Variants in THSD4 observed in about 807,000 individuals in gnomAD.
THSD4 encodes the protein thrombospondin type 1 domain containing 4, also known as thrombospondin type-1 domain-containing protein 4.
A neutral mutation model predicts 119.0 loss-of-function variants in THSD4; 69 were observed. The ratio of observed to expected loss-of-function variants is 0.58; its 90% CI spans 0.48 to 0.71. The LOEUF is 0.71. THSD4 is among the 30% of genes least tolerant of loss of function. The pLI is 0.00. For missense variants in THSD4, 1,393 were observed against 1,391.1 expected (o/e 1.00, Z -0.02); for synonymous variants, 524 against 540.4 (o/e 0.97, Z 0.42).
chr15:71,757,600 T>G (rs552416566), intron 14 of THSD4, among the ~76,000 whole-genome samples: 1 of 152,324 alleles, frequency 6.6e-6, no homozygotes, highest in South Asian at 2.1e-4. Context: ...CCGGCCAAGC[T>G]GAATATATTT....
chr15:71,343,271 G>A (rs1391790744), intron 6 of THSD4, among the ~76,000 whole-genome samples: 1 of 152,178 alleles, frequency 6.6e-6, no homozygotes, highest in Non-Finnish European at 1.5e-5. Flanking sequence ...AGAGATAGAT[G>A]GATATGTTAG....
chr15:71,422,108 C>G (rs1221121305), intron 7 of THSD4, among the ~76,000 whole-genome samples: 1 of 152,130 alleles, frequency 6.6e-6, no homozygotes, highest in African/African-American at 2.4e-5. Flanking sequence ...TTTGAATTTC[C>G]TGACTGAAAG....
rs1276869866 is a variant in THSD4 at position 71,590,044 on chromosome 15, A to G, written c.1153-70486A>G. On this transcript the variant is annotated intron_variant, in intron 7 of 17. Coordinates refer to ENST00000261862, the MANE Select transcript of THSD4 (RefSeq NM_024817.3). Reference sequence around the variant, plus strand: ...TAGATCTGTGCATATCAGTAGGAATATAAATATGCATGGAAATTATGAATG... The same window carrying G: ...TAGATCTGTGCATATCAGTAGGAATGTAAATATGCATGGAAATTATGAATG... Among the ~76,000 whole-genome samples the G allele has an allele frequency of 3.6e-5, 5 of 139,690 alleles. 1 individual carries two copies. The highest frequency in any genetic ancestry group is 1.4e-4 in the Admixed American group (2 of 13,860). 91.6% of individuals were successfully genotyped at this position (139,690 alleles called of 152,430 possible). A position where few individuals can be genotyped will look rare whatever the true frequency, so the allele number is the denominator to read the frequency against.
At chr15:71,412,409 T>C (rs2140503904) in intron 7 of THSD4, among the ~76,000 whole-genome samples, 1 of 152,324 alleles carries the variant, frequency 6.6e-6, no homozygotes, top group East Asian at 1.9e-4. Context: ...ATGCTCAGTG[T>C]TGACAGAAAG....
At chr15:71,222,678 T>A (rs796432366) in intron 4 of THSD4, among the ~76,000 whole-genome samples, 32 of 152,274 alleles carry the variant, frequency 2.1e-4, no homozygotes, top group African/African-American at 5.5e-4. Context: ...TATAGACGTT[T>A]TTCTGTGGAG....
chr15:71,630,311 T>TCACGG (rs2050601146), intron 7 of THSD4, among the ~76,000 whole-genome samples: 1 of 152,174 alleles, frequency 6.6e-6, no homozygotes, highest in Admixed American at 6.5e-5. Context: ...CTCTGTCTCG[T>TCACGG]CACGGCACTG....
chr15:71,605,795 T>A (rs1357567206), intron 7 of THSD4, among the ~76,000 whole-genome samples: 1 of 152,202 alleles, frequency 6.6e-6, no homozygotes, highest in Non-Finnish European at 1.5e-5. Context: ...TAGTATTCAA[T>A]GCCAAGAGGC....
chr15:71,731,299 C>T, intron 10 of THSD4, 82 bp downstream of exon 10: 1 of 1,347,912 alleles, frequency 7.4e-7, no homozygotes, highest in Non-Finnish European at 1.1e-6. Flanking sequence ...TGCATCCACC[C>T]TCTGTCTCTC....
intron 7 of THSD4, among the ~76,000 whole-genome samples, chr15:71,649,349 C>T (rs2051037664): frequency 6.6e-6 from 1 of 152,160 alleles, no homozygotes; most frequent in African/African-American, 2.4e-5. Flanking sequence ...TCTCAACTCA[C>T]TGCAATCTCT....
chr15:71,423,297 A>C (rs1481816314), intron 7 of THSD4, among the ~76,000 whole-genome samples: 1 of 152,196 alleles, frequency 6.6e-6, no homozygotes, highest in Non-Finnish European at 1.5e-5. Context: ...GAGTGCGCTC[A>C]GTCACAGCTT....
chr15:71,666,368 T>C lies in THSD4; in HGVS notation c.1357+5634T>C, dbSNP rs7169057. ...AAGGTACAAGTGCAGGTTTGTTACA[T>C]AGTTAAACTTGTATTATGGGGGTTT... On this transcript the variant is annotated intron_variant, in intron 8 of 17. Coordinates refer to ENST00000261862, the MANE Select transcript of THSD4 (RefSeq NM_024817.3). Among the ~76,000 whole-genome samples, 499 of 152,322 alleles carry C rather than the reference T, an allele frequency of 3.3e-3. 3 individuals are homozygous for C. The highest frequency in any genetic ancestry group is 0.011 in the African/African-American group (473 of 41,572).
At chr15:71,415,051 C>T (rs547683746) in intron 7 of THSD4, among the ~76,000 whole-genome samples, 8 of 152,358 alleles carry the variant, frequency 5.3e-5, no homozygotes, top group African/African-American at 1.9e-4. Context: ...GATTTCTCTA[C>T]TTCTCTGACT....
intron 7 of THSD4, among the ~76,000 whole-genome samples, chr15:71,412,321 T>C (rs923127748): frequency 6.6e-6 from 1 of 152,216 alleles, no homozygotes; most frequent in African/African-American, 2.4e-5. Flanking sequence ...TCAACCTCCT[T>C]AGGCTTCTGA....
chr15:71,747,026 G>A lies in THSD4; in HGVS notation c.2225G>A (p.Arg742Gln), dbSNP rs564390555. ...QLKICSEWQIRTDWTSCSVPC... is the reference protein window; with the variant it reads ...QLKICSEWQIQTDWTSCSVPC... ...AAGATCTGCAGCGAGTGGCAGATCCGGACCGACTGGACCTCGGTACGCAGG... is the reference window on the plus strand; with the variant it reads ...AAGATCTGCAGCGAGTGGCAGATCCAGACCGACTGGACCTCGGTACGCAGG... Residue 742 changes from arginine to glutamine, a missense_variant, in exon 13 of 18, where the codon CGG becomes CAG. Transcript: ENST00000261862. 9.9e-6 allele frequency: 16 copies of A among 1,608,618 alleles called. No individual in the cohort carries two copies. The highest frequency in any genetic ancestry group is 3.3e-5 in the South Asian group (3 of 90,458).
At chr15:71,301,279 T>C (rs2044946336) in intron 6 of THSD4, among the ~76,000 whole-genome samples, 1 of 152,244 alleles carries the variant, frequency 6.6e-6, no homozygotes, top group African/African-American at 2.4e-5. Context: ...GCTTAATCTG[T>C]CCTTCTGCAT....
chr15:71,353,804 CA>C (rs2045774666), intron 6 of THSD4, among the ~76,000 whole-genome samples: 1 of 152,210 alleles, frequency 6.6e-6, no homozygotes, highest in Non-Finnish European at 1.5e-5. Flanking sequence ...ACTTGGTGTT[CA>C]AATGCTGCCT....
chr15:71,406,195 A>G (rs1393285710), intron 6 of THSD4, among the ~76,000 whole-genome samples: 3 of 151,824 alleles, frequency 2.0e-5, no homozygotes, highest in Non-Finnish European at 2.9e-5. Context: ...GCTATTTTTA[A>G]TTTCATTCAA....
chr15:71,269,416 C>T (rs2043756586), intron 6 of THSD4, among the ~76,000 whole-genome samples: 1 of 152,154 alleles, frequency 6.6e-6, no homozygotes, highest in Non-Finnish European at 1.5e-5. Context: ...ATGCTAAAAA[C>T]TCTCAATAAA....
chr15:71,619,317 A>G (rs1220527322), intron 7 of THSD4, among the ~76,000 whole-genome samples: 5 of 152,170 alleles, frequency 3.3e-5, no homozygotes, highest in Non-Finnish European at 5.9e-5. Context: ...CATATCTTAC[A>G]GATTTTTAAA....
Sources: allele counts gnomAD v4.1 joint callset (sites outside exome capture counted in the v4.1 genomes callset), GRCh38; gene constraint gnomAD v4.1.1; transcripts MANE v1.5; gene names NCBI Gene and HGNC (gene_info 2026-07-23, HGNC 2026-07-21).